Variants in SERPINE2 observed in about 807,000 individuals in gnomAD.
The protein encoded by SERPINE2 is glia-derived nexin.
Under a neutral mutation model 36.3 loss-of-function variants are expected in SERPINE2, and 14 were observed. The observed-to-expected ratio is 0.39, with a 90% confidence interval of 0.25 to 0.60. The LOEUF (loss-of-function observed/expected upper bound fraction) is 0.60. Ranked by LOEUF, SERPINE2 falls within the 20% of genes least tolerant of loss-of-function variation. The pLI is 0.57. For synonymous variants in SERPINE2, 192 were observed against 191.8 expected (o/e 1.00, Z -0.01); for missense variants, 418 against 499.6 (o/e 0.84, Z 1.56).
intron 2 of SERPINE2, among the ~76,000 whole-genome samples, chr2:223,999,926 G>A (rs1207817722): frequency 6.6e-6 from 1 of 152,218 alleles, no homozygotes; most frequent in East Asian, 1.9e-4. Flanking sequence ...GCAGAAGAGT[G>A]TGTTCCAAGT....
At chr2:224,025,752 C>T (rs570995894) in intron 1 of SERPINE2, among the ~76,000 whole-genome samples, 2 of 152,324 alleles carry the variant, frequency 1.3e-5, no homozygotes, top group South Asian at 4.1e-4. Context: ...TGCAACACTG[C>T]CACTGAAACA....
chr2:224,006,571 C>A (rs1691432577), intron 1 of SERPINE2, among the ~76,000 whole-genome samples: 1 of 152,094 alleles, frequency 6.6e-6, no homozygotes, highest in Admixed American at 6.6e-5. Flanking sequence ...AGTATGTTTT[C>A]TTTCCTCGCA....
chr2:224,033,058 A>G (rs775090536), intron 1 of SERPINE2, among the ~76,000 whole-genome samples: 3 of 152,246 alleles, frequency 2.0e-5, no homozygotes, highest in Non-Finnish European at 4.4e-5. Context: ...GAACTTGCAG[A>G]CAAGAGATAA....
chr2:224,027,287 G>A (rs1463850715), intron 1 of SERPINE2, among the ~76,000 whole-genome samples: 1 of 151,690 alleles, frequency 6.6e-6, no homozygotes, highest in Non-Finnish European at 1.5e-5. Context: ...ACCATCTTGG[G>A]CTATCAGCCT....
intron 1 of SERPINE2, among the ~76,000 whole-genome samples, chr2:224,020,684 C>T (rs1691968942): frequency 6.6e-6 from 1 of 152,206 alleles, no homozygotes; most frequent in South Asian, 2.1e-4. Flanking sequence ...ATGAAATAGT[C>T]AATTGTGTTC....
At chr2:224,009,391 T>C (rs567743847) in intron 1 of SERPINE2, among the ~76,000 whole-genome samples, 38 of 152,234 alleles carry the variant, frequency 2.5e-4, no homozygotes, top group South Asian at 8.3e-4. Flanking sequence ...CTGCCAGGGC[T>C]TCCCAAAGAA....
At chr2:224,031,544 C>CACCT (rs1383611775) in intron 1 of SERPINE2, 50 of 979,836 alleles carry the variant, frequency 5.1e-5, no homozygotes, top group Non-Finnish European at 5.9e-5. Context: ...CATTGGTACA[C>CACCT]GGAAGGGCAT....
chr2:224,022,986 T>C (rs1341612517), intron 1 of SERPINE2, among the ~76,000 whole-genome samples: 2 of 152,192 alleles, frequency 1.3e-5, no homozygotes, highest in Non-Finnish European at 2.9e-5. Context: ...TGCCTGCTTT[T>C]CCTTTGCCTT....
chr2:223,980,085 G>A (rs1474037532), intron 7 of SERPINE2: 2 of 448,308 alleles, frequency 4.5e-6, no homozygotes, highest in Non-Finnish European at 4.0e-6. Flanking sequence ...TCCTGTCCTA[G>A]AGGAATTTCT....
chr2:223,982,722 T>A lies in SERPINE2; in HGVS notation c.944A>T (p.Asp315Val). The A allele has an allele frequency of 6.2e-7, 1 of 1,613,920 alleles. No homozygotes were observed. Among genetic ancestry groups the A allele is most frequent in the Non-Finnish European group, 8.5e-7 (1 of 1,179,934 alleles). ...KEPLKVLGIT[D>V]MFDSSKANFA... is the part of the protein sequence containing the mutation. Reference sequence around the variant, plus strand: ...ATTTGCCTTTGATGAATCAAACATGTCAGTAATGCCAAGAACTTTCAGCGG... The same window carrying A: ...ATTTGCCTTTGATGAATCAAACATGACAGTAATGCCAAGAACTTTCAGCGG... The change falls in exon 6 of 9, where the codon GAC becomes GTC. Residue 315 changes from aspartate to valine, a missense_variant. Coordinates refer to ENST00000409304, the MANE Select transcript of SERPINE2 (RefSeq NM_001136528.2).
At chr2:224,016,506 CAAAA>C (rs34770432) in intron 1 of SERPINE2, among the ~76,000 whole-genome samples, 7 of 139,594 alleles carry the variant, frequency 5.0e-5, no homozygotes, top group East Asian at 2.1e-4. Context: ...AAGTCCGTCT[CAAAA>C]AAAAAAAAAA....
At chr2:224,019,749 T>A (rs1354914136) in intron 1 of SERPINE2, among the ~76,000 whole-genome samples, 1 of 43,320 alleles carries the variant, frequency 2.3e-5, no homozygotes, top group East Asian at 4.8e-4. Flanking sequence ...TTTGAGGAAG[T>A]CTTTTTTTTT....
In SERPINE2 at chr2:223,975,795, A is replaced by G. The variant is rs755641867; in HGVS notation, c.*72T>C. The G allele has an allele frequency of 8.0e-7, 1 of 1,253,178 alleles. No homozygotes were observed. Among genetic ancestry groups the G allele is most frequent in the Non-Finnish European group, 1.1e-6 (1 of 886,748 alleles). The allele number at this position is 1,253,178 out of a possible 1,614,324, so 77.6% of individuals were successfully genotyped here. ...TACAAAAATATTTAACAGAACTATG[A>G]AAGATGCAGGAAAGGAGTCTTTCTT... On this transcript the variant is annotated 3_prime_UTR_variant, in exon 9 of 9. Coordinates refer to ENST00000409304, the MANE Select transcript of SERPINE2 (RefSeq NM_001136528.2).
intron 1 of SERPINE2, among the ~76,000 whole-genome samples, chr2:224,003,802 C>T (rs531601501): frequency 6.6e-6 from 1 of 152,198 alleles, no homozygotes. Flanking sequence ...CACAGTCTCC[C>T]GTGGAGCCAA....
chr2:223,984,690 C>T (rs745794023), intron 5 of SERPINE2, 62 bp downstream of exon 5: 264 of 1,505,182 alleles, frequency 1.8e-4, no homozygotes, highest in African/African-American at 3.3e-4. Flanking sequence ...GTCTGGTGTC[C>T]GACATAACAC....
intron 5 of SERPINE2, among the ~76,000 whole-genome samples, chr2:223,983,693 TGCACACAC>T (rs1266158430): frequency 2.0e-4 from 30 of 146,558 alleles, no homozygotes; most frequent in African/African-American, 3.6e-4. Flanking sequence ...TGGAGATATA[TGCACACAC>T]ACACACACAC....
chr2:224,012,865 C>T (rs1014932540), intron 1 of SERPINE2, among the ~76,000 whole-genome samples: 2 of 151,936 alleles, frequency 1.3e-5, no homozygotes, highest in Non-Finnish European at 2.9e-5. Context: ...AGTGGCTAAA[C>T]CAAAGGATCA....
chr2:223,979,983 T>C (rs1189354562), intron 7 of SERPINE2: 6 of 189,456 alleles, frequency 3.2e-5, no homozygotes, highest in South Asian at 1.5e-4. Context: ...GTTTTCATGC[T>C]ACAGTGAAAG....
chr2:224,019,274 A>G (rs1342277877), intron 1 of SERPINE2, among the ~76,000 whole-genome samples: 2 of 152,094 alleles, frequency 1.3e-5, no homozygotes, highest in Non-Finnish European at 2.9e-5. Flanking sequence ...TTTTTTATAT[A>G]TTATACATAT....
Sources: allele counts gnomAD v4.1 joint callset (sites outside exome capture counted in the v4.1 genomes callset), GRCh38; gene constraint gnomAD v4.1.1; transcripts MANE v1.5; gene names NCBI Gene and HGNC (gene_info 2026-07-23, HGNC 2026-07-21).